ZNF254: variants seen among roughly 807,000 people sequenced by gnomAD.
ZNF254 encodes CTD-2017D11.1.
Under a neutral mutation model 12.4 loss-of-function variants are expected in ZNF254, and 10 were observed. The ratio of observed to expected loss-of-function variants is 0.80; its 90% CI spans 0.50 to 1.36. ZNF254 has a LOEUF of 1.36. Ranked by LOEUF, ZNF254 falls within the 40% of genes most tolerant of loss-of-function variation. The pLI is 0.00. For synonymous variants in ZNF254, 305 were observed against 253.4 expected, an observed-to-expected ratio of 1.20 and a Z score of -1.93; for missense variants, 996 against 763.9, an observed-to-expected ratio of 1.30 and a Z score of -3.58.
intron 2 of ZNF254, among the ~76,000 whole-genome samples, chr19:24,064,938 C>A (rs1028495233): frequency 6.6e-6 from 1 of 152,104 alleles, no homozygotes; most frequent in African/African-American, 2.4e-5. Context: ...ATTATCTTGG[C>A]GATTTGACTT....
chr19:24,046,743 A>G (rs1209187400), intron 2 of ZNF254, among the ~76,000 whole-genome samples: 2 of 151,482 alleles, frequency 1.3e-5, no homozygotes, highest in Non-Finnish European at 2.9e-5. Context: ...TCTGAACATA[A>G]GGTCATTGCA....
rs749519940 is a variant in ZNF254, at chr19:24,127,670, A to C, written c.1670A>C (p.Gln557Pro). The C allele has an allele frequency of 1.9e-6, 3 of 1,613,174 alleles. No individual in the cohort carries two copies. Among genetic ancestry groups the C allele is most frequent in the Admixed American group, 1.7e-5 (1 of 59,890 alleles). ...GAAAAATGTGGCAAAGCCTTTAAGC[A>C]GTCTTCAATCCTTACTAACCATAAG... ...KCEKCGKAFK[Q>P]SSILTNHKRI... Residue 557 changes from glutamine (Q) to proline (P), a missense_variant, in exon 4 of 4, where the codon CAG becomes CCG. Gln to Pro is a moderately conservative substitution (Grantham distance 76, BLOSUM62 -1). Transcript: ENST00000357002.
At chr19:24,034,560 C>A (rs559081969) in intron 1 of ZNF254, among the ~76,000 whole-genome samples, 40 of 141,896 alleles carry the variant, frequency 2.8e-4, no homozygotes, top group African/African-American at 1.1e-3. Flanking sequence ...TACAGTGGCA[C>A]GATCTCGGCA....
At chr19:24,091,192 G>T (rs185366599) in intron 1 of ZNF254, among the ~76,000 whole-genome samples, 1 of 151,580 alleles carries the variant, frequency 6.6e-6, no homozygotes, top group African/African-American at 2.4e-5. Context: ...TGATCCGCCC[G>T]CCTGGGCCTC....
chr19:24,111,765 C>A (rs1436364495), intron 3 of ZNF254, among the ~76,000 whole-genome samples: 1 of 151,332 alleles, frequency 6.6e-6, no homozygotes, highest in Non-Finnish European at 1.5e-5. Flanking sequence ...TGAGAAGTGT[C>A]TGTTCATGTC....
At chr19:24,053,963 C>T (rs1348729535) in intron 2 of ZNF254, among the ~76,000 whole-genome samples, 2 of 147,150 alleles carry the variant, frequency 1.4e-5, no homozygotes, top group African/African-American at 4.9e-5. Flanking sequence ...TGCCTGGGCT[C>T]TGCCCACAGG....
upstream of ZNF254, among the ~76,000 whole-genome samples, chr19:24,086,215 A>G (rs1972033454): frequency 6.6e-6 from 1 of 152,228 alleles, no homozygotes; most frequent in Admixed American, 6.5e-5. Flanking sequence ...TAGACAAAAA[A>G]TAAAAAATAA....
chr19:24,081,151 T>C (rs1034341211), intron 2 of ZNF254, among the ~76,000 whole-genome samples: 2 of 152,148 alleles, frequency 1.3e-5, no homozygotes, highest in African/African-American at 2.4e-5. Flanking sequence ...ATGGGTCTGT[T>C]TCACCCCCAA....
intron 3 of ZNF254, among the ~76,000 whole-genome samples, chr19:24,125,726 GTC>G (rs1974789333): frequency 6.6e-6 from 1 of 152,164 alleles, no homozygotes; most frequent in Non-Finnish European, 1.5e-5. Context: ...TGGTACTGCA[GTC>G]TCTCTGCTGC....
chr19:24,091,517 G>A (rs529198483), intron 1 of ZNF254, among the ~76,000 whole-genome samples: 70 of 152,082 alleles, frequency 4.6e-4, no homozygotes, highest in African/African-American at 1.5e-3. Context: ...TTGAGATAAA[G>A]AGTTGCACTG....
At chr19:24,111,917 G>T (rs1835952262) in intron 3 of ZNF254, among the ~76,000 whole-genome samples, 1 of 152,288 alleles carries the variant, frequency 6.6e-6, no homozygotes, top group South Asian at 2.1e-4. Context: ...GACTCTGATG[G>T]TAGTTTCTTT....
At chr19:24,120,758 G>A (rs913865135) in intron 3 of ZNF254, among the ~76,000 whole-genome samples, 1 of 152,008 alleles carries the variant, frequency 6.6e-6, no homozygotes, top group Admixed American at 6.6e-5. Context: ...TGCCTCCCGG[G>A]TTCACGCCAT....
chr19:24,127,561 G>C lies in ZNF254; in HGVS notation c.1561G>C (p.Glu521Gln). ...TACTGGAGAGAAACCCTACAAATGT[G>C]AAGAATGTGGCAAAGCCTTTAACTG... ...IHTGEKPYKC[E>Q]ECGKAFNWSS... Residue 521 changes from glutamate to glutamine, a missense_variant, in exon 4 of 4, where the codon GAA (glutamate) becomes CAA (glutamine). Physicochemically the swap from Glu to Gln is conservative, Grantham distance 29. Coordinates refer to ENST00000357002, the MANE Select transcript of ZNF254 (RefSeq NM_203282.4). 6.2e-7 allele frequency: 1 copy of C among 1,613,436 alleles called. No homozygotes were observed. The highest frequency in any genetic ancestry group is 8.5e-7 in the Non-Finnish European group (1 of 1,179,758).
intron 2 of ZNF254, among the ~76,000 whole-genome samples, chr19:24,058,628 G>T (rs905013827): frequency 6.6e-6 from 1 of 151,832 alleles, no homozygotes; most frequent in Non-Finnish European, 1.5e-5. Context: ...GGCTGGTCTC[G>T]AACTCCTGAC....
chr19:24,049,214 A>ATATATATATATATTT (rs1160333151), intron 2 of ZNF254, among the ~76,000 whole-genome samples: 11 of 40,846 alleles, frequency 2.7e-4, no homozygotes, highest in East Asian at 9.4e-4. Flanking sequence ...ATATATATAT[A>ATATATATATATATTT]TTTTTTTTTT....
intron 2 of ZNF254, chr19:24,046,308 C>T (rs1245648398): frequency 6.7e-6 from 1 of 148,750 alleles, no homozygotes; most frequent in Non-Finnish European, 1.5e-5. Flanking sequence ...GGTAGGTGGC[C>T]TGGGTGAGAG....
rs182416673 is a variant in ZNF254 at position 24,078,261 on chromosome 19, C to T, written c.-93-27679C>T. Among the ~76,000 whole-genome samples the T allele has an allele frequency of 2.0e-3, 307 of 152,314 alleles. 1 individual carries two copies. The highest frequency in any genetic ancestry group is 7.2e-3 in the African/African-American group (298 of 41,566). Reference sequence around the variant, plus strand: ...CCATGTTGGCCAGGCTGGTCTCCAACTGCTGATCTCACCTGATTTGCCCAC... The same window carrying T: ...CCATGTTGGCCAGGCTGGTCTCCAATTGCTGATCTCACCTGATTTGCCCAC... On this transcript the variant is annotated intron_variant, in intron 2 of 4. Transcript: ENST00000613065.
intron 2 of ZNF254, among the ~76,000 whole-genome samples, chr19:24,054,690 A>G (rs1217264013): frequency 6.6e-6 from 1 of 152,184 alleles, no homozygotes; most frequent in Non-Finnish European, 1.5e-5. Flanking sequence ...CACAGTTGGA[A>G]TTGTGACTCA....
intron 3 of ZNF254, among the ~76,000 whole-genome samples, chr19:24,123,302 G>C (rs1191540777): frequency 6.6e-6 from 1 of 152,040 alleles, no homozygotes; most frequent in Non-Finnish European, 1.5e-5. Context: ...TAAAAAGTTT[G>C]GTAAGACTTC....
Sources: allele counts gnomAD v4.1 joint callset (sites outside exome capture counted in the v4.1 genomes callset), GRCh38; gene constraint gnomAD v4.1.1; transcripts MANE v1.5; gene names NCBI Gene and HGNC (gene_info 2026-07-23, HGNC 2026-07-21).